RAB38: variants seen among roughly 807,000 people sequenced by gnomAD.
RAB38 encodes the protein RAB38, member RAS oncogene family, also known as ras-related protein Rab-38.
Under a neutral mutation model 18.4 loss-of-function variants are expected in RAB38, and 15 were observed. The observed-to-expected ratio is 0.82, with a 90% CI of 0.55 to 1.26. RAB38 has a LOEUF of 1.26. Ranked by LOEUF, RAB38 falls within the 50% of genes most tolerant of loss-of-function variation. The pLI is 0.00. For missense variants in RAB38, 294 were observed against 267.4 expected (o/e 1.10, Z -0.69); for synonymous variants, 101 against 104.4 (o/e 0.97, Z 0.20).
At chr11:88,072,021 T>C in the RAB38 span, among the ~76,000 whole-genome samples, 1 of 152,150 alleles carries the variant, frequency 6.6e-6, no homozygotes, top group Admixed American at 6.5e-5. Context: ...ATACACAATG[T>C]CCAATATTCA....
chr11:87,887,663 T>C, the RAB38 span, among the ~76,000 whole-genome samples: 18 of 152,098 alleles, frequency 1.2e-4, no homozygotes, highest in African/African-American at 3.8e-4. Flanking sequence ...ATTTGGAAGA[T>C]GATAGGATCT....
At chr11:88,122,220 T>A (rs1313342569) in intron 2 of RAB38, among the ~76,000 whole-genome samples, 1 of 152,214 alleles carries the variant, frequency 6.6e-6, no homozygotes, top group African/African-American at 2.4e-5. Context: ...ATCCAATATA[T>A]AATGTATGAC....
chr11:88,037,164 A>T, the RAB38 span, among the ~76,000 whole-genome samples: 4 of 152,048 alleles, frequency 2.6e-5, 1 homozygote, highest in Non-Finnish European at 5.9e-5. Context: ...GTTTGTTGAA[A>T]CATTCTATTA....
intron 2 of RAB38, among the ~76,000 whole-genome samples, chr11:88,139,642 C>A (rs890779896): frequency 1.3e-5 from 2 of 152,186 alleles, no homozygotes; most frequent in Admixed American, 6.5e-5. Context: ...AATTCCAACA[C>A]AATGCATCTT....
chr11:88,133,742 G>A (rs1054420603), intron 2 of RAB38, among the ~76,000 whole-genome samples: 3 of 151,900 alleles, frequency 2.0e-5, no homozygotes, highest in South Asian at 4.1e-4. Flanking sequence ...TTTTTTTCTT[G>A]TCCAAAATCT....
At chr11:87,882,797 T>G in the RAB38 span, among the ~76,000 whole-genome samples, 1 of 151,842 alleles carries the variant, frequency 6.6e-6, no homozygotes, top group East Asian at 2.0e-4. Flanking sequence ...ACCTATTTTC[T>G]TAAGGAGAAT....
chr11:88,096,323 T>C, the RAB38 span, among the ~76,000 whole-genome samples: 15 of 151,834 alleles, frequency 9.9e-5, no homozygotes, highest in Non-Finnish European at 1.5e-5. Flanking sequence ...TAATTGTTTT[T>C]TTCTCTCAGA....
chr11:88,106,816 T>C, the RAB38 span, among the ~76,000 whole-genome samples: 1 of 152,158 alleles, frequency 6.6e-6, no homozygotes, highest in Non-Finnish European at 1.5e-5. Context: ...TCTTTTCCAA[T>C]ATTGGGAAAT....
At chr11:87,870,461 T>TA in the RAB38 span, among the ~76,000 whole-genome samples, 1,121 of 148,980 alleles carry the variant, frequency 7.5e-3, 19 homozygotes, top group African/African-American at 0.025. Context: ...TTTTGTCAAA[T>TA]AAAAAAAAAA....
the RAB38 span, among the ~76,000 whole-genome samples, chr11:88,094,131 A>G: frequency 6.6e-6 from 1 of 151,928 alleles, no homozygotes; most frequent in Non-Finnish European, 1.5e-5. Flanking sequence ...TACTGAGTAC[A>G]ATAGGTAATA....
chr11:87,972,437 A>T, the RAB38 span, among the ~76,000 whole-genome samples: 3 of 151,850 alleles, frequency 2.0e-5, no homozygotes, highest in African/African-American at 7.3e-5. Flanking sequence ...CACGCTTATA[A>T]GCCCTGGTAT....
chr11:88,043,387 AG>A, the RAB38 span, among the ~76,000 whole-genome samples: 1 of 152,198 alleles, frequency 6.6e-6, no homozygotes, highest in Non-Finnish European at 1.5e-5. Context: ...GGAAGGAGAT[AG>A]GGAGGAAAAT....
the RAB38 span, among the ~76,000 whole-genome samples, chr11:88,080,009 T>C: frequency 2.0e-5 from 3 of 151,744 alleles, no homozygotes; most frequent in Non-Finnish European, 2.9e-5. Flanking sequence ...ACTATCATTA[T>C]TTCTAATTAA....
At chr11:87,839,683 T>C in the RAB38 span, among the ~76,000 whole-genome samples, 2 of 152,170 alleles carry the variant, frequency 1.3e-5, no homozygotes, top group African/African-American at 4.8e-5. Context: ...ACTTGAGAAA[T>C]AGCTGAAGAA....
At chr11:87,944,472 CT>C in the RAB38 span, among the ~76,000 whole-genome samples, 1 of 152,112 alleles carries the variant, frequency 6.6e-6, no homozygotes, top group Non-Finnish European at 1.5e-5. Context: ...CCCCTGTAGT[CT>C]TCCATTTTTG....
the RAB38 span, among the ~76,000 whole-genome samples, chr11:87,881,104 C>A: frequency 6.6e-6 from 1 of 151,816 alleles, no homozygotes; most frequent in African/African-American, 2.4e-5. Flanking sequence ...CTTGGACTCT[C>A]AAATTGCTGG....
At chr11:87,921,786 A>G in the RAB38 span, among the ~76,000 whole-genome samples, 6 of 151,918 alleles carry the variant, frequency 3.9e-5, no homozygotes. Flanking sequence ...ATTGGTTGGT[A>G]GAGCCTTTTT....
the RAB38 span, among the ~76,000 whole-genome samples, chr11:88,032,561 G>A: frequency 6.6e-6 from 1 of 152,176 alleles, no homozygotes; most frequent in Non-Finnish European, 1.5e-5. Flanking sequence ...CAAAAAGTGG[G>A]CGAAGGAAAT....
chr11:87,878,352 G>T, the RAB38 span, among the ~76,000 whole-genome samples: 3 of 142,220 alleles, frequency 2.1e-5, no homozygotes, highest in East Asian at 2.0e-4. Flanking sequence ...TCTATCATCT[G>T]TCTATCTATC....
Sources: gnomAD v4.1 joint callset for allele counts (sites outside exome capture counted in the v4.1 genomes callset) on GRCh38, gnomAD v4.1.1 for gene constraint, MANE v1.5 for transcripts, NCBI Gene and HGNC (gene_info 2026-07-23, HGNC 2026-07-21) for gene names.